CFAP418: variants seen among roughly 807,000 people sequenced by gnomAD.
CFAP418 encodes cilia and flagella associated protein 418.
A neutral mutation model predicts 24.7 loss-of-function variants in CFAP418; 27 were observed. The observed-to-expected ratio is 1.09, with a 90% CI of 0.81 to 1.51. The LOEUF is 1.51. CFAP418 is among the 40% of genes most tolerant of loss of function. The probability of loss-of-function intolerance (pLI) is 0.00; values close to 1 mark genes in which losing one functional copy is unlikely to be tolerated. For missense variants in CFAP418, 257 were observed against 255.2 expected (o/e 1.01, Z -0.05); for synonymous variants, 74 against 87.3 (o/e 0.85, Z 0.85).
Position 95,247,526 on chromosome 8 carries a change from T to C in CFAP418, c.*91A>G. 1 of 1,455,620 alleles carries C rather than the reference T, an allele frequency of 6.9e-7. No homozygotes were observed. The allele number at this position is 1,455,620 out of a possible 1,614,324, so 90.2% of individuals were successfully genotyped here. A position where few individuals can be genotyped will look rare whatever the true frequency, so the allele number is the denominator to read the frequency against. Reference sequence around the variant, plus strand: ...ATTCACTGCCTTTTCCCACAGGGAATGGTATTGCTAGGGACTATTGTCTAA... The same window carrying C: ...ATTCACTGCCTTTTCCCACAGGGAACGGTATTGCTAGGGACTATTGTCTAA... On this transcript the variant is annotated 3_prime_UTR_variant, in exon 6 of 6. Coordinates refer to ENST00000286688, the MANE Select transcript of CFAP418 (RefSeq NM_177965.4).
intron 4 of CFAP418, 38 bp downstream of exon 4, chr8:95,259,802 A>T: frequency 6.7e-7 from 1 of 1,500,952 alleles, no homozygotes; most frequent in Non-Finnish European, 9.2e-7. Flanking sequence ...TTTGGAAAAA[A>T]CCTAGTAAGA....
intron 4 of CFAP418, among the ~76,000 whole-genome samples, chr8:95,258,027 C>T (rs1446854416): frequency 6.6e-6 from 1 of 152,084 alleles, no homozygotes; most frequent in Non-Finnish European, 1.5e-5. Context: ...ATGACCCAGA[C>T]CCTGTATAGG....
At chr8:95,257,108 G>A (rs1811802472) in intron 4 of CFAP418, among the ~76,000 whole-genome samples, 2 of 152,204 alleles carry the variant, frequency 1.3e-5, no homozygotes, top group Middle Eastern at 3.2e-3. Context: ...AAAGATGTAA[G>A]TGGATGATAA....
At chr8:95,257,488 C>T (rs147476436) in intron 4 of CFAP418, among the ~76,000 whole-genome samples, 29 of 152,304 alleles carry the variant, frequency 1.9e-4, no homozygotes, top group African/African-American at 5.5e-4. Context: ...GCTGGCACCA[C>T]CACAACCCTC....
chr8:95,250,395 C>A (rs1184741367), intron 5 of CFAP418, among the ~76,000 whole-genome samples: 1 of 152,124 alleles, frequency 6.6e-6, no homozygotes, highest in Non-Finnish European at 1.5e-5. Flanking sequence ...TAGGGTAAAC[C>A]AACTGGTGTT....
chr8:95,255,154 T>C (rs781147742), intron 4 of CFAP418, among the ~76,000 whole-genome samples: 7 of 152,170 alleles, frequency 4.6e-5, no homozygotes, highest in Non-Finnish European at 7.3e-5. Context: ...CATGACTTTT[T>C]TAAGAAACAC....
At chr8:95,249,578 G>T (rs1281425848) in intron 5 of CFAP418, among the ~76,000 whole-genome samples, 2 of 152,068 alleles carry the variant, frequency 1.3e-5, no homozygotes, top group African/African-American at 4.8e-5. Flanking sequence ...CTTTCAATCT[G>T]GGAAGTGGAG....
chr8:95,264,277 C>G (rs1811939604), intron 1 of CFAP418, among the ~76,000 whole-genome samples: 1 of 152,174 alleles, frequency 6.6e-6, no homozygotes, highest in African/African-American at 2.4e-5. Flanking sequence ...CAGAATATCT[C>G]AACTACTCAA....
At chr8:95,267,574 G>T (rs1812014020) in intron 1 of CFAP418, among the ~76,000 whole-genome samples, 1 of 152,166 alleles carries the variant, frequency 6.6e-6, no homozygotes, top group Non-Finnish European at 1.5e-5. Flanking sequence ...GGGCGACAGA[G>T]CGAAACTCAA....
intron 4 of CFAP418, among the ~76,000 whole-genome samples, chr8:95,256,717 C>G (rs530094493): frequency 6.6e-6 from 1 of 151,872 alleles, no homozygotes; most frequent in South Asian, 2.1e-4. Context: ...TTTAAAAAAT[C>G]GAAAAAATTT....
intron 4 of CFAP418, among the ~76,000 whole-genome samples, chr8:95,257,170 G>C (rs77815575): frequency 0.017 from 2,525 of 152,284 alleles, 43 homozygotes; most frequent in Non-Finnish European, 0.019. Flanking sequence ...GCCTGGAATA[G>C]AGGAGGCATG....
intron 5 of CFAP418, among the ~76,000 whole-genome samples, chr8:95,248,018 T>A (rs1392864819): frequency 6.6e-6 from 1 of 152,082 alleles, no homozygotes; most frequent in Non-Finnish European, 1.5e-5. Context: ...AAAAAATTTT[T>A]TTTTGTAGAG....
intron 3 of CFAP418, 83 bp downstream of exon 3, chr8:95,260,385 T>C: frequency 3.8e-6 from 4 of 1,049,306 alleles, no homozygotes; most frequent in Non-Finnish European, 5.6e-6. Context: ...CACTGCTGTT[T>C]AAATGGTAAC....
chr8:95,258,109 G>A (rs937432648), intron 4 of CFAP418, among the ~76,000 whole-genome samples: 1 of 152,224 alleles, frequency 6.6e-6, no homozygotes, highest in East Asian at 1.9e-4. Flanking sequence ...AGAGCTGGGC[G>A]CAGTGGCTCA....
At chr8:95,262,019 C>T (rs963218660) in intron 2 of CFAP418, among the ~76,000 whole-genome samples, 4 of 152,210 alleles carry the variant, frequency 2.6e-5, no homozygotes, top group Non-Finnish European at 5.9e-5. Flanking sequence ...GTACAGGTGA[C>T]CCTTGAACAA....
chr8:95,247,558 T>C lies in CFAP418; in HGVS notation c.*59A>G, dbSNP rs1811641131. 7 of 1,591,984 alleles carry C rather than the reference T, an allele frequency of 4.4e-6. No homozygotes were observed. The highest frequency in any genetic ancestry group is 1.3e-5 in the African/African-American group (1 of 74,538). ...GCTAGGGACTATTGTCTAAACATGA[T>C]GATGATTCATGGAGACCACTCTCAT... On this transcript the variant is annotated 3_prime_UTR_variant, in exon 6 of 6. Coordinates refer to ENST00000286688, the MANE Select transcript of CFAP418 (RefSeq NM_177965.4).
At chr8:95,254,451 A>AT (rs1251366972) in intron 4 of CFAP418, among the ~76,000 whole-genome samples, 14 of 152,180 alleles carry the variant, frequency 9.2e-5, no homozygotes, top group African/African-American at 3.1e-4. Context: ...TTTCTCTTTC[A>AT]TAACTATGTA....
At position 95,268,771 on chromosome 8, in the gene CFAP418, G is replaced by A. The variant is rs1402424531; in HGVS notation, c.155+264C>T. On this transcript the variant is annotated intron_variant, in intron 1 of 5. Coordinates refer to ENST00000286688, the MANE Select transcript of CFAP418 (RefSeq NM_177965.4). ...CTCTGCGGGCGGGGCGGGGCGGGGCGGGGCGGGGCGGGGCGGGGCGGGGGC... is the reference window on the plus strand; with the variant it reads ...CTCTGCGGGCGGGGCGGGGCGGGGCAGGGCGGGGCGGGGCGGGGCGGGGGC... 5.6e-5 allele frequency: 13 copies of A among 233,966 alleles called. 1 individual carries two copies. Among genetic ancestry groups the A allele is most frequent in the African/African-American group, 2.4e-4 (10 of 41,038 alleles). 14.5% of individuals were successfully genotyped at this position (233,966 alleles called of 1,614,324 possible). A position where few individuals can be genotyped will look rare whatever the true frequency, so the allele number is the denominator to read the frequency against.
At chr8:95,263,263 A>G (rs1017055374) in intron 2 of CFAP418, among the ~76,000 whole-genome samples, 1 of 152,208 alleles carries the variant, frequency 6.6e-6, no homozygotes, top group African/African-American at 2.4e-5. Context: ...TAGACATACA[A>G]ACATTTAAAA....
Sources: gnomAD v4.1 joint callset for allele counts (sites outside exome capture counted in the v4.1 genomes callset) on GRCh38, gnomAD v4.1.1 for gene constraint, MANE v1.5 for transcripts, NCBI Gene and HGNC (gene_info 2026-07-23, HGNC 2026-07-21) for gene names.